FREM2: variants seen among roughly 807,000 people sequenced by gnomAD.
FREM2 encodes FRAS1 related extracellular matrix 2, also known as FRAS1-related extracellular matrix protein 2.
In FREM2, 119 loss-of-function variants were observed where a neutral mutation model predicts 219.9. The ratio of observed to expected loss-of-function variants is 0.54; its 90% CI spans 0.47 to 0.63. FREM2 has a LOEUF of 0.63. Among genes scored for constraint, FREM2 ranks in the 30% least tolerant of loss-of-function variants. The probability of loss-of-function intolerance (pLI) is 0.00; values close to 1 mark genes in which losing one functional copy is unlikely to be tolerated. For synonymous variants in FREM2, 1,562 were observed against 1,522.8 expected, an observed-to-expected ratio of 1.03 and a Z score of -0.60; for missense variants, 4,030 against 3,993.6, an observed-to-expected ratio of 1.01 and a Z score of -0.25.
chr13:38,688,172 CAG>C lies in FREM2; in HGVS notation c.829_830del (p.Arg277GlyfsTer72), dbSNP rs779414030. ...ACACAGCCGCCAGTCGCTCACCAAA[CAG>C]GGACTGGATACCCATGGTGGTGGAG... ...RHTAASRSPN[R>X]DWIPMVVELR... is the part of the protein sequence containing the mutation. On this transcript the variant is annotated frameshift_variant, in exon 1 of 24. Transcript: ENST00000280481. LOFTEE classifies it high-confidence loss of function. 6.2e-7 allele frequency: 1 copy of C among 1,613,648 alleles called. No homozygotes were observed. Among genetic ancestry groups the C allele is most frequent in the Admixed American group, 1.7e-5 (1 of 60,028 alleles).
chr13:38,830,791 G>A (rs1876477196), intron 6 of FREM2, among the ~76,000 whole-genome samples: 1 of 152,096 alleles, frequency 6.6e-6, no homozygotes, highest in South Asian at 2.1e-4. Context: ...TCTCTGGGTT[G>A]CTGTCCTGTG....
intron 2 of FREM2, among the ~76,000 whole-genome samples, chr13:38,719,722 A>G (rs918915076): frequency 6.6e-6 from 1 of 152,172 alleles, no homozygotes; most frequent in Non-Finnish European, 1.5e-5. Context: ...CACATATTCC[A>G]TGGGTCAGAA....
At position 38,856,188 on chromosome 13, in the gene FREM2, G is replaced by T. The variant is rs747606151; in HGVS notation, c.6988G>T (p.Val2330Leu). 3 of 1,612,432 alleles carry T rather than the reference G, an allele frequency of 1.9e-6. No homozygotes were observed. The Admixed American group carries it at 5.0e-5, about 27-fold the overall frequency. ...VVEIEVTFDG[V>L]REMREAFTVH... The stretch of plus-strand genomic sequence containing the variant: ...TGAAATCGAAGTTACCTTTGACGGG[G>T]TGAGAGAGATGAGAGAGGCCTTCAC... The change falls in exon 12 of 24, where the codon GTG (valine) becomes TTG (leucine). Residue 2330 changes from valine (V) to leucine (L), a missense_variant. Around this residue, in one of 2 missense-constraint regions of FREM2, gnomAD observed 3,102 missense variants for 2,950.7 expected, o/e 1.05. Coordinates refer to ENST00000280481, the MANE Select transcript of FREM2 (RefSeq NM_207361.6).
intron 6 of FREM2, among the ~76,000 whole-genome samples, chr13:38,828,263 G>GT (rs1249734838): frequency 2.0e-5 from 3 of 152,064 alleles, no homozygotes; most frequent in Admixed American, 1.3e-4. Flanking sequence ...CTCAAAGGTT[G>GT]TTAGGAAGAT....
intron 2 of FREM2, among the ~76,000 whole-genome samples, chr13:38,757,858 G>A (rs1873076850): frequency 6.6e-6 from 1 of 152,090 alleles, no homozygotes; most frequent in South Asian, 2.1e-4. Flanking sequence ...AAAGTGCTGG[G>A]ATTACAGGCA....
chr13:38,725,642 G>C (rs1025451926), intron 2 of FREM2, among the ~76,000 whole-genome samples: 2 of 152,120 alleles, frequency 1.3e-5, no homozygotes, highest in Admixed American at 1.3e-4. Flanking sequence ...GAGAGAAAGT[G>C]GAGGAACTGA....
intron 6 of FREM2, among the ~76,000 whole-genome samples, chr13:38,788,745 T>G (rs540357720): frequency 6.6e-6 from 1 of 152,256 alleles, no homozygotes; most frequent in East Asian, 1.9e-4. Flanking sequence ...TTTTGTCTTT[T>G]TCTCATTGAA....
Position 38,859,498 on chromosome 13 carries a change from C to T in FREM2, c.7427C>T (p.Ser2476Phe), listed in dbSNP as rs574419341. The T allele has an allele frequency of 4.5e-5, 72 of 1,614,078 alleles. 1 individual carries two copies. The South Asian group carries it at 7.8e-4, about 17-fold the overall frequency. ...TLDSIYFQPG[S>F]RVQCAARAVN... Reference sequence around the variant, plus strand: ...GACTCCATATACTTTCAGCCTGGCTCCCGGGTACAGTGCGCAGCTCGTGCT... The same window carrying T: ...GACTCCATATACTTTCAGCCTGGCTTCCGGGTACAGTGCGCAGCTCGTGCT... The change falls in exon 14 of 24, where the codon TCC (serine) becomes TTC (phenylalanine). Residue 2476 changes from serine to phenylalanine, a missense_variant. Around this residue, in one of 2 missense-constraint regions of FREM2, gnomAD observed 928 missense variants for 1,042.9 expected, o/e 0.89. Coordinates refer to ENST00000280481, the MANE Select transcript of FREM2 (RefSeq NM_207361.6).
At chr13:38,700,771 A>T (rs991758808) in intron 2 of FREM2, among the ~76,000 whole-genome samples, 1 of 152,026 alleles carries the variant, frequency 6.6e-6, no homozygotes, top group Non-Finnish European at 1.5e-5. Context: ...TATTCAGGAT[A>T]GGGATAAGAG....
At chr13:38,730,805 A>G (rs1055685023) in intron 2 of FREM2, among the ~76,000 whole-genome samples, 5 of 152,108 alleles carry the variant, frequency 3.3e-5, no homozygotes, top group African/African-American at 4.8e-5. Context: ...CAGAAATATT[A>G]TTGTTTGTGT....
At chr13:38,845,559 T>A (rs1877121006) in intron 6 of FREM2, among the ~76,000 whole-genome samples, 1 of 152,238 alleles carries the variant, frequency 6.6e-6, no homozygotes, top group South Asian at 2.1e-4. Flanking sequence ...ATCATTAACC[T>A]TTATTCTGGG....
chr13:38,778,197 C>G (rs1415350940), intron 4 of FREM2, among the ~76,000 whole-genome samples: 3 of 152,230 alleles, frequency 2.0e-5, no homozygotes, highest in Non-Finnish European at 4.4e-5. Flanking sequence ...TCAACCCTGT[C>G]TTAGTCAGCT....
At chr13:38,704,999 T>C (rs1870483585) in intron 2 of FREM2, among the ~76,000 whole-genome samples, 1 of 152,164 alleles carries the variant, frequency 6.6e-6, no homozygotes, top group South Asian at 2.1e-4. Context: ...CACATGGGAA[T>C]TCCAATTCGA....
At chr13:38,736,113 G>A (rs1206816054) in intron 2 of FREM2, among the ~76,000 whole-genome samples, 1 of 152,166 alleles carries the variant, frequency 6.6e-6, no homozygotes, top group Admixed American at 6.6e-5. Flanking sequence ...ACTAGATTGC[G>A]CTGTTTATTC....
intron 15 of FREM2, among the ~76,000 whole-genome samples, chr13:38,862,975 T>G (rs141908336): frequency 2.4e-4 from 36 of 152,288 alleles, no homozygotes; most frequent in Non-Finnish European, 4.7e-4. Context: ...TGCTAAAATA[T>G]TTACTATTTG....
intron 2 of FREM2, among the ~76,000 whole-genome samples, chr13:38,744,209 T>C (rs1872368998): frequency 7.1e-6 from 1 of 140,526 alleles, no homozygotes; most frequent in African/African-American, 2.6e-5. Flanking sequence ...AATCCTTTTT[T>C]TTTTTTTTTT....
intron 2 of FREM2, among the ~76,000 whole-genome samples, chr13:38,700,268 G>A (rs576802407): frequency 6.6e-6 from 1 of 152,202 alleles, no homozygotes; most frequent in African/African-American, 2.4e-5. Flanking sequence ...GGATTCTTCT[G>A]TTATGATGTA....
At chr13:38,874,351 T>G (rs2137935686) in intron 17 of FREM2, 131 bp from the exon 18 acceptor site, 1 of 732,004 alleles carries the variant, frequency 1.4e-6, no homozygotes, top group South Asian at 1.5e-5. Context: ...TTATTCAGAA[T>G]TCTTCTGATA....
chr13:38,836,293 G>T (rs753162066), intron 6 of FREM2, among the ~76,000 whole-genome samples: 7 of 152,122 alleles, frequency 4.6e-5, no homozygotes, highest in Non-Finnish European at 1.5e-5. Flanking sequence ...GGAAGAGGCC[G>T]ACTTGATCGT....
Sources: allele counts gnomAD v4.1 joint callset (sites outside exome capture counted in the v4.1 genomes callset), GRCh38; gene constraint gnomAD v4.1.1; regional missense constraint gnomAD v4.1.1; transcripts MANE v1.5; gene names NCBI Gene and HGNC (gene_info 2026-07-23, HGNC 2026-07-21).